Variants in ADGRA2 observed in about 807,000 individuals in gnomAD.
The protein encoded by ADGRA2 is adhesion G protein-coupled receptor A2, also known as G-protein coupled receptor 124.
ADGRA2 carries 61 observed loss-of-function variants against 98.7 expected under a neutral mutation model. The ratio of observed to expected loss-of-function variants is 0.62; its 90% CI spans 0.50 to 0.76. The LOEUF (loss-of-function observed/expected upper bound fraction) is 0.76, where lower values mean the gene tolerates loss of function less well. Among genes scored for constraint, ADGRA2 ranks in the 30% least tolerant of loss-of-function variants. The pLI is 0.00. For missense variants in ADGRA2, 1,712 were observed against 1,860.0 expected (o/e 0.92, Z 1.46); for synonymous variants, 858 against 831.5 (o/e 1.03, Z -0.55).
intron 13 of ADGRA2, 66 bp downstream of exon 13, chr8:37,835,836 C>T: frequency 4.1e-6 from 4 of 971,444 alleles, no homozygotes; most frequent in East Asian, 2.6e-5. Context: ...TCCCCTTTAT[C>T]CTGCCCTTCC....
rs767025914 is a variant in ADGRA2 at position 37,841,179 on chromosome 8, G to T, written c.2841G>T (p.Gly947=). Residue 947 remains glycine (G), a synonymous_variant, in exon 19 of 19, where the codon GGG becomes GGT. Transcript: ENST00000412232. This position sits in a 1 kb window ranked among gnomAD's most constrained non-coding sequence, Gnocchi z 5.0. ...CCTGGATCTATTTCCTGTGCGCCGG[G>T]CTACGCTTACGGGGTCCTCTGGCAC... The part of the protein sequence containing the change: ...LITWIYFLCA[G]LRLRGPLAQN... The T allele has an allele frequency of 3.1e-6, 5 of 1,613,066 alleles. No individual in the cohort carries two copies. The highest frequency in any genetic ancestry group is 4.2e-6 in the Non-Finnish European group (5 of 1,180,030).
At chr8:37,804,128 C>CACACACACACACACAT (rs1554522465) in intron 1 of ADGRA2, among the ~76,000 whole-genome samples, 83 of 149,262 alleles carry the variant, frequency 5.6e-4, no homozygotes, top group Admixed American at 2.7e-3. Flanking sequence ...CACACACACA[C>CACACACACACACACAT]ACACACACAC....
At chr8:37,813,413 TAATA>T (rs779259000) in intron 1 of ADGRA2, among the ~76,000 whole-genome samples, 44 of 152,254 alleles carry the variant, frequency 2.9e-4, no homozygotes, top group Admixed American at 2.3e-3. Flanking sequence ...AAAATGAGAA[TAATA>T]AATAAAATAA....
chr8:37,818,873 A>C (rs371702820), intron 2 of ADGRA2, among the ~76,000 whole-genome samples: 1 of 152,196 alleles, frequency 6.6e-6, no homozygotes, highest in African/African-American at 2.4e-5. Context: ...TGCTGATGAC[A>C]TGCCTGGGCC....
chr8:37,833,377 A>C (rs1228662775), intron 9 of ADGRA2, among the ~76,000 whole-genome samples, 169 bp downstream of exon 9: 3 of 152,176 alleles, frequency 2.0e-5, no homozygotes, highest in Non-Finnish European at 4.4e-5. Context: ...GCCCTCTGCT[A>C]TTCAGACCCA....
Position 37,833,211 on chromosome 8 carries a change from G to T in ADGRA2, c.1296+3G>T. The T allele has an allele frequency of 6.2e-7, 1 of 1,606,830 alleles. No individual in the cohort carries two copies. The stretch of plus-strand genomic sequence containing the variant: ...GGGTGCTGTACACCTTCGTGCTGGT[G>T]AGGAGAGGCTAGGGCACCCCACCAG... On this transcript the variant is annotated splice_donor_region_variant and intron_variant, in intron 9 of 18. Transcript: ENST00000412232.
At chr8:37,836,063 ACACACACACAC>A (rs369681769) in intron 13 of ADGRA2, among the ~76,000 whole-genome samples, 1 of 149,556 alleles carries the variant, frequency 6.7e-6, no homozygotes, top group African/African-American at 2.5e-5. Flanking sequence ...ACACACACAC[ACACACACACAC>A]ACACACACAC....
intron 2 of ADGRA2, among the ~76,000 whole-genome samples, chr8:37,821,829 G>A (rs1362113872): frequency 6.6e-6 from 1 of 152,216 alleles, no homozygotes; most frequent in Non-Finnish European, 1.5e-5. Context: ...AGAAGCAGAT[G>A]CTCATGGGAA....
At chr8:37,817,754 C>T (rs1346224905) in intron 2 of ADGRA2, among the ~76,000 whole-genome samples, 2 of 152,214 alleles carry the variant, frequency 1.3e-5, no homozygotes, top group Admixed American at 6.5e-5. Flanking sequence ...TGGTGGCTCA[C>T]GCCTGTAATT....
chr8:37,806,232 G>A (rs1323427210), intron 1 of ADGRA2, among the ~76,000 whole-genome samples: 1 of 152,214 alleles, frequency 6.6e-6, no homozygotes, highest in Non-Finnish European at 1.5e-5. Flanking sequence ...TATGATTTAT[G>A]TTTGTAGGAC....
chr8:37,826,952 C>A (rs1805300644), intron 2 of ADGRA2, among the ~76,000 whole-genome samples: 1 of 152,138 alleles, frequency 6.6e-6, no homozygotes, highest in South Asian at 2.1e-4. Context: ...GCAAGTGGGC[C>A]CCAGAAATCT....
chr8:37,838,558 T>G (rs941742840), intron 14 of ADGRA2, among the ~76,000 whole-genome samples: 3 of 152,112 alleles, frequency 2.0e-5, no homozygotes, highest in African/African-American at 4.8e-5. Context: ...CAGCCGAGAC[T>G]AGATTCTTAC....
rs947169996 is a variant in ADGRA2 at position 37,814,153 on chromosome 8, G to C, written c.267-743G>C. On this transcript the variant is annotated intron_variant, in intron 1 of 18. Coordinates refer to ENST00000412232, the MANE Select transcript of ADGRA2 (RefSeq NM_032777.10). The surrounding 1 kb of genome is among the most constrained non-coding windows in gnomAD (Gnocchi z 4.3). The stretch of plus-strand genomic sequence containing the variant: ...CCAGCAGGGAGCTTGGCAGAGAAAG[G>C]CTGAGTGGGTGGGCGGAGATGAGAC... 7.9e-5 allele frequency among the ~76,000 whole-genome samples: 12 copies of C among 152,324 alleles called. No individual in the cohort carries two copies. The highest frequency in any genetic ancestry group is 5.9e-4 in the Admixed American group (9 of 15,302).
chr8:37,837,238 G>A (rs766747800), intron 13 of ADGRA2, among the ~76,000 whole-genome samples: 3 of 152,232 alleles, frequency 2.0e-5, no homozygotes, highest in Non-Finnish European at 4.4e-5. Context: ...CCGCAACCGC[G>A]TGGGCTGTGG....
chr8:37,797,529 T>C lies in ADGRA2; in HGVS notation c.261T>C (p.Val87=). The change falls in exon 1 of 19, where the codon GTT becomes GTC. Residue 87 remains valine (V), a synonymous_variant. Coordinates refer to ENST00000412232, the MANE Select transcript of ADGRA2 (RefSeq NM_032777.10). The surrounding 1 kb of genome is among the most constrained non-coding windows in gnomAD (Gnocchi z 5.3). ...PEPGLLPNGT[V]TLLLSNNKIT... ...CCGGCCTTCTGCCTAACGGCACCGT[T>C]ACCCTGTGAGTACCCTACCAGGCCA... 7.2e-7 allele frequency: 1 copy of C among 1,396,848 alleles called. No homozygotes were observed. Among genetic ancestry groups the C allele is most frequent in the Non-Finnish European group, 9.3e-7 (1 of 1,071,734 alleles). 86.5% of individuals were successfully genotyped at this position (1,396,848 alleles called of 1,614,324 possible). A position where few individuals can be genotyped will look rare whatever the true frequency, so the allele number is the denominator to read the frequency against.
chr8:37,834,268 TG>T lies in ADGRA2; in HGVS notation c.1608+141del. 1 of 824,526 alleles carries T rather than the reference TG, an allele frequency of 1.2e-6. No individual in the cohort carries two copies. Among genetic ancestry groups the T allele is most frequent in the Non-Finnish European group, 1.9e-6 (1 of 539,282 alleles). 51.1% of individuals were successfully genotyped at this position (824,526 alleles called of 1,614,324 possible). A position where few individuals can be genotyped will look rare whatever the true frequency, so the allele number is the denominator to read the frequency against. Reference sequence around the variant, plus strand: ...TGAGCCATGGGGTTCACTTCCAAGTTGTCAGGGGCAGTGCTAAGGAGAGGTG... The same window carrying T: ...TGAGCCATGGGGTTCACTTCCAAGTTTCAGGGGCAGTGCTAAGGAGAGGTG... On this transcript the variant is annotated intron_variant, in intron 11 of 18. Transcript: ENST00000412232. This position sits in a 1 kb window ranked among gnomAD's most constrained non-coding sequence, Gnocchi z 4.2.
chr8:37,831,656 G>A (rs1384686633), intron 8 of ADGRA2, 69 bp downstream of exon 8: 10 of 1,424,074 alleles, frequency 7.0e-6, no homozygotes, highest in Non-Finnish European at 9.8e-6. Flanking sequence ...GACATCACAG[G>A]TGGCCAGAGT....
rs200017482 is a variant in ADGRA2, at chr8:37,832,977, G to A, written c.1098-33G>A. The A allele has an allele frequency of 7.7e-5, 119 of 1,554,718 alleles. 2 individuals are homozygous for A. Among genetic ancestry groups the A allele is most frequent in the East Asian group, 4.9e-4 (22 of 44,566 alleles). On this transcript the variant is annotated intron_variant, in intron 8 of 18. Coordinates refer to ENST00000412232, the MANE Select transcript of ADGRA2 (RefSeq NM_032777.10). ...GAAGGGCTGTTGTTCTGAGAAGCCC[G>A]GTTCATCGGCAACTTCCTGCCTCTC... is the stretch of plus-strand genomic sequence containing the variant.
Position 37,829,283 on chromosome 8 carries a change from G to A in ADGRA2, c.433G>A (p.Gly145Ser). The A allele has an allele frequency of 6.2e-7, 1 of 1,613,548 alleles. No homozygotes were observed. The highest frequency in any genetic ancestry group is 8.5e-7 in the Non-Finnish European group (1 of 1,179,798). ...TAGAGATCTCTCCAACAACCGGATT[G>A]GCTGTCTCACCTCCGAGACCTTCCA... ...KRLDLSNNRI[G>S]CLTSETFQGL... is the part of the protein sequence containing the mutation. The change falls in exon 4 of 19, where the codon GGC (glycine) becomes AGC (serine). Residue 145 changes from glycine to serine, a missense_variant. Transcript: ENST00000412232.
Sources: gnomAD v4.1 joint callset for allele counts (sites outside exome capture counted in the v4.1 genomes callset) on GRCh38, gnomAD v4.1.1 for gene constraint, Gnocchi (gnomAD v3.1) non-coding constraint, MANE v1.5 for transcripts, NCBI Gene and HGNC (gene_info 2026-07-23, HGNC 2026-07-21) for gene names.